Variants in RTN4 observed in about 807,000 individuals in gnomAD.
The protein encoded by RTN4 is reticulon 4.
Under a neutral mutation model 90.4 loss-of-function variants are expected in RTN4, and 32 were observed. That is an observed-to-expected ratio of 0.35 (90% confidence interval 0.27 to 0.48). RTN4 has a LOEUF of 0.48. Among genes scored for constraint, RTN4 ranks in the 20% least tolerant of loss-of-function variants. RTN4 has a pLI of 0.99. For missense variants in RTN4, 1,706 were observed against 1,430.2 expected (o/e 1.19, Z -3.11); for synonymous variants, 629 against 552.5 (o/e 1.14, Z -1.94).
At chr2:55,038,425 T>C (rs1276425685) in intron 1 of RTN4, among the ~76,000 whole-genome samples, 8 of 151,794 alleles carry the variant, frequency 5.3e-5, no homozygotes. Context: ...TACAAATATG[T>C]AGGAAAAAAA....
intron 1 of RTN4, among the ~76,000 whole-genome samples, chr2:55,104,913 C>T (rs536152331): frequency 6.6e-6 from 1 of 151,366 alleles, no homozygotes; most frequent in Admixed American, 6.6e-5. Flanking sequence ...CTCAAGCGAT[C>T]TCCCCACCTC....
intron 1 of RTN4, among the ~76,000 whole-genome samples, chr2:55,093,351 A>G (rs998471488): frequency 6.6e-6 from 1 of 150,650 alleles, no homozygotes; most frequent in Non-Finnish European, 1.5e-5. Flanking sequence ...ACACATAAAC[A>G]TATGTGTGTA....
At chr2:55,116,772 G>C (rs1159961773), upstream of RTN4, among the ~76,000 whole-genome samples, 1 of 152,162 alleles carries the variant, frequency 6.6e-6, no homozygotes, top group Non-Finnish European at 1.5e-5. Flanking sequence ...CAAGATTCTA[G>C]GGGAAAAGAC....
At chr2:55,105,607 T>C (rs1446789401) in intron 1 of RTN4, among the ~76,000 whole-genome samples, 3 of 152,088 alleles carry the variant, frequency 2.0e-5, no homozygotes, top group Admixed American at 2.0e-4. Flanking sequence ...GTAATAAATA[T>C]TTCCCCATTC....
the RTN4 span, among the ~76,000 whole-genome samples, chr2:55,118,391 A>G: frequency 6.6e-6 from 1 of 151,972 alleles, no homozygotes; most frequent in Non-Finnish European, 1.5e-5. Flanking sequence ...CTGGAGCTCA[A>G]GAGGTCAAGG....
chr2:54,987,751 T>A, intron 3 of RTN4, 53 bp from the exon 4 acceptor site: 2 of 1,467,578 alleles, frequency 1.4e-6, no homozygotes, highest in Non-Finnish European at 1.9e-6. Flanking sequence ...TCAATTTGGA[T>A]TTGCTCCATC....
At chr2:55,019,518 G>A (rs867274840) in intron 3 of RTN4, among the ~76,000 whole-genome samples, 1 of 152,176 alleles carries the variant, frequency 6.6e-6, no homozygotes, top group Non-Finnish European at 1.5e-5. Context: ...GATAACTCTA[G>A]AAGTGGTGCT....
At chr2:54,980,346 T>A (rs1291753847) in intron 5 of RTN4, among the ~76,000 whole-genome samples, 1 of 147,250 alleles carries the variant, frequency 6.8e-6, no homozygotes, top group Non-Finnish European at 1.5e-5. Context: ...TCTTGCCCCG[T>A]ATCTACACAA....
intron 2 of RTN4, among the ~76,000 whole-genome samples, chr2:55,065,992 T>G (rs551058552): frequency 8.6e-4 from 131 of 152,342 alleles, no homozygotes; most frequent in Non-Finnish European, 1.4e-3. Context: ...CATTTTACAA[T>G]GTGGATGTCA....
rs574153926 is a variant in RTN4, at chr2:55,107,142, C to G, written c.-214+5378G>C. On this transcript the variant is annotated intron_variant, in intron 1 of 3. Coordinates refer to the RTN4 transcript ENST00000427710. Reference sequence around the variant, plus strand: ...GATATTAATGAAACACTTCAAAACACTGATATGAAGTGCCCAGATTCTCAG... The same window carrying G: ...GATATTAATGAAACACTTCAAAACAGTGATATGAAGTGCCCAGATTCTCAG... Among the ~76,000 whole-genome samples, 12 of 150,726 alleles carry G rather than the reference C, an allele frequency of 8.0e-5. 1 individual carries two copies. Among genetic ancestry groups the G allele is most frequent in the African/African-American group, 2.7e-4 (11 of 41,204 alleles).
At chr2:54,978,579 C>G (rs1558756246) in intron 5 of RTN4, among the ~76,000 whole-genome samples, 2 of 151,686 alleles carry the variant, frequency 1.3e-5, no homozygotes, top group African/African-American at 4.8e-5. Flanking sequence ...TGTTTAAAAA[C>G]TATTATTTTG....
chr2:54,990,175 A>C (rs1158028196), intron 3 of RTN4, among the ~76,000 whole-genome samples: 1 of 152,222 alleles, frequency 6.6e-6, no homozygotes, highest in Non-Finnish European at 1.5e-5. Flanking sequence ...AAAAGGCATA[A>C]AGTTTCTAGA....
upstream of RTN4, among the ~76,000 whole-genome samples, chr2:55,114,064 T>C (rs1243306396): frequency 6.6e-6 from 1 of 152,264 alleles, no homozygotes; most frequent in Non-Finnish European, 1.5e-5. Flanking sequence ...TTGAAAGTTT[T>C]GTTTTCATCT....
At chr2:55,123,725 G>A in the RTN4 span, among the ~76,000 whole-genome samples, 1 of 151,700 alleles carries the variant, frequency 6.6e-6, no homozygotes, top group African/African-American at 2.4e-5. Context: ...TGTTACTCGT[G>A]TAACACTATT....
chr2:55,049,567 A>C (rs1667976409), intron 1 of RTN4, 178 bp downstream of exon 1: 1 of 1,042,550 alleles, frequency 9.6e-7, no homozygotes, highest in Non-Finnish European at 1.4e-6. Flanking sequence ...CCCGGGCTCC[A>C]AGGGCCGCCC....
At chr2:55,074,393 CT>C (rs1441915225) in intron 2 of RTN4, among the ~76,000 whole-genome samples, 1 of 151,418 alleles carries the variant, frequency 6.6e-6, no homozygotes, top group East Asian at 1.9e-4. Context: ...GTCCTAGCTA[CT>C]TAGGAAACTG....
intron 3 of RTN4, among the ~76,000 whole-genome samples, chr2:55,003,993 C>T (rs1680031218): frequency 2.0e-5 from 3 of 152,092 alleles, no homozygotes; most frequent in Admixed American, 2.0e-4. Context: ...AGGGGACAAC[C>T]GGAGAACAAA....
At chr2:55,084,874 T>C (rs1391404939) in intron 1 of RTN4, among the ~76,000 whole-genome samples, 7 of 152,126 alleles carry the variant, frequency 4.6e-5, no homozygotes, top group Admixed American at 4.6e-4. Context: ...AGCCTGAACC[T>C]CCTGGGCTCA....
At chr2:55,105,965 A>C (rs529872537) in intron 1 of RTN4, among the ~76,000 whole-genome samples, 1 of 152,186 alleles carries the variant, frequency 6.6e-6, no homozygotes, top group African/African-American at 2.4e-5. Flanking sequence ...GGGTGACAGG[A>C]GGAGACCCCC....
Sources: gnomAD v4.1 joint callset for allele counts (sites outside exome capture counted in the v4.1 genomes callset) on GRCh38, gnomAD v4.1.1 for gene constraint, MANE v1.5 for transcripts, NCBI Gene and HGNC (gene_info 2026-07-23, HGNC 2026-07-21) for gene names.